Variants in KIRREL3 observed in about 807,000 individuals in gnomAD.
The protein encoded by KIRREL3 is kirre like nephrin family adhesion molecule 3, also known as kin of IRRE-like protein 3.
KIRREL3 carries 36 observed loss-of-function variants against 89.7 expected under a neutral mutation model. The ratio of observed to expected loss-of-function variants is 0.40; its 90% CI spans 0.31 to 0.53. KIRREL3 has a LOEUF of 0.53. Ranked by LOEUF, KIRREL3 falls within the 20% of genes least tolerant of loss-of-function variation. The pLI, the probability that KIRREL3 is intolerant of heterozygous loss-of-function variation, is 0.49. For missense variants in KIRREL3, 864 were observed against 1,056.6 expected, an observed-to-expected ratio of 0.82 and a Z score of 2.53; for synonymous variants, 445 against 441.4, an observed-to-expected ratio of 1.01 and a Z score of -0.10.
intron 1 of KIRREL3, among the ~76,000 whole-genome samples, chr11:126,974,152 C>T (rs529055489): frequency 6.6e-6 from 1 of 152,262 alleles, no homozygotes; most frequent in Admixed American, 6.5e-5. Flanking sequence ...ATTTAAAGCA[C>T]TTTATGCAAC....
Position 126,491,324 on chromosome 11 carries a change from T to C in KIRREL3, c.434-17858A>G, listed in dbSNP as rs1459332376. Among the ~76,000 whole-genome samples the C allele has an allele frequency of 6.6e-6, 1 of 152,226 alleles. No individual in the cohort carries two copies. Among genetic ancestry groups the C allele is most frequent in the Non-Finnish European group, 1.5e-5 (1 of 68,044 alleles). The stretch of plus-strand genomic sequence containing the variant: ...TGTGAGCCCAAGGAGGGCGGGCGCG[T>C]GCTGGCTCTGAGCGGGTGCTTTATT... On this transcript the variant is annotated intron_variant, in intron 4 of 16. Transcript: ENST00000525144. This position sits in a 1 kb window ranked among gnomAD's most constrained non-coding sequence, Gnocchi z 5.5.
intron 7 of KIRREL3, among the ~76,000 whole-genome samples, chr11:126,449,502 C>G (rs1186499005): frequency 6.6e-6 from 1 of 152,206 alleles, no homozygotes; most frequent in Non-Finnish European, 1.5e-5. Context: ...TGTCAGTGGG[C>G]AGACAGCTCG....
In KIRREL3 at chr11:126,703,152, A is replaced by G. The variant is rs1210921419; in HGVS notation, c.56-140240T>C. On this transcript the variant is annotated intron_variant, in intron 1 of 16. Transcript: ENST00000525144. The surrounding 1 kb of genome is among the most constrained non-coding windows in gnomAD (Gnocchi z 4.6). Reference sequence around the variant, plus strand: ...GGCTGGGGCAGGAGACACTGTAAAGAGCCAGTAGGCCTGGATTCCTTCCAG... The same window carrying G: ...GGCTGGGGCAGGAGACACTGTAAAGGGCCAGTAGGCCTGGATTCCTTCCAG... 1.3e-5 allele frequency among the ~76,000 whole-genome samples: 2 copies of G among 152,162 alleles called. No homozygotes were observed. The highest frequency in any genetic ancestry group is 4.8e-5 in the African/African-American group (2 of 41,420).
intron 1 of KIRREL3, among the ~76,000 whole-genome samples, chr11:126,695,491 C>T (rs1458757039): frequency 6.6e-6 from 1 of 151,938 alleles, no homozygotes; most frequent in African/African-American, 2.4e-5. Flanking sequence ...GCATTAGTCC[C>T]TGCCACATTT....
chr11:126,692,848 T>C lies in KIRREL3; in HGVS notation c.56-129936A>G, dbSNP rs562028741. On this transcript the variant is annotated intron_variant, in intron 1 of 16. Coordinates refer to ENST00000525144, the MANE Select transcript of KIRREL3 (RefSeq NM_032531.4). ...ATTACTAGGGACAGGTGACCCCTCC[T>C]TGGATCTACCCGCTTTGCAATGTGA... Among the ~76,000 whole-genome samples the C allele has an allele frequency of 2.0e-5, 3 of 152,274 alleles. No individual in the cohort carries two copies. In the South Asian group the frequency reaches 6.2e-4, roughly 32 times the overall value.
At chr11:126,536,326 G>T (rs984158960) in intron 2 of KIRREL3, among the ~76,000 whole-genome samples, 1 of 152,000 alleles carries the variant, frequency 6.6e-6, no homozygotes, top group Non-Finnish European at 1.5e-5. Context: ...GCCCATAGAG[G>T]CTGGGATCTG....
intron 2 of KIRREL3, among the ~76,000 whole-genome samples, chr11:126,536,663 T>C (rs1937912290): frequency 8.4e-6 from 1 of 119,570 alleles, no homozygotes; most frequent in South Asian, 3.4e-4. Flanking sequence ...TTTTTTTTTT[T>C]TTTTGAGTCT....
intron 1 of KIRREL3, among the ~76,000 whole-genome samples, chr11:126,671,766 A>G (rs1591927980): frequency 6.6e-6 from 1 of 152,180 alleles, no homozygotes; most frequent in Non-Finnish European, 1.5e-5. Flanking sequence ...AAAATCCAGA[A>G]AAGCTGACAA....
At chr11:127,001,318 G>GA (rs1565492072), upstream of KIRREL3, among the ~76,000 whole-genome samples, 2 of 136,594 alleles carry the variant, frequency 1.5e-5, no homozygotes, top group African/African-American at 2.6e-5. Context: ...TTGTGGTGGG[G>GA]GGGGGGGGTA....
At position 126,981,507 on chromosome 11, in the gene KIRREL3, T is replaced by G. The variant is rs1383564572; in HGVS notation, c.55+18948A>C. On this transcript the variant is annotated intron_variant, in intron 1 of 16. Coordinates refer to ENST00000525144, the MANE Select transcript of KIRREL3 (RefSeq NM_032531.4). The surrounding 1 kb of genome is among the most constrained non-coding windows in gnomAD (Gnocchi z 4.2). Reference sequence around the variant, plus strand: ...CCTTCCTAAGTCACTAAGGAAGAGCTAAACACATGGTCCCTGTTTCACTGA... The same window carrying G: ...CCTTCCTAAGTCACTAAGGAAGAGCGAAACACATGGTCCCTGTTTCACTGA... Among the ~76,000 whole-genome samples, 1 of 152,200 alleles carries G rather than the reference T, an allele frequency of 6.6e-6. No homozygotes were observed. The highest frequency in any genetic ancestry group is 2.4e-5 in the African/African-American group (1 of 41,446).
intron 4 of KIRREL3, among the ~76,000 whole-genome samples, chr11:126,479,366 G>T (rs951175375): frequency 6.6e-6 from 1 of 152,162 alleles, no homozygotes; most frequent in African/African-American, 2.4e-5. Flanking sequence ...ACAAGCTGAG[G>T]CTATGATAGC....
intron 1 of KIRREL3, among the ~76,000 whole-genome samples, chr11:126,718,118 C>T (rs1014996031): frequency 3.9e-5 from 6 of 152,142 alleles, no homozygotes; most frequent in Admixed American, 6.5e-5. Context: ...CCGGAATTTG[C>T]GCTGAGAGGA....
rs976884393 is a variant in KIRREL3 at position 126,969,720 on chromosome 11, A to G, written c.55+30735T>C. On this transcript the variant is annotated intron_variant, in intron 1 of 16. Coordinates refer to ENST00000525144, the MANE Select transcript of KIRREL3 (RefSeq NM_032531.4). The surrounding 1 kb of genome is among the most constrained non-coding windows in gnomAD (Gnocchi z 4.9). ...CCCTTGATGACACAGGCTTATTTGAATAATTTTGCAGTGGGACCTGGCTCA... is the reference window on the plus strand; with the variant it reads ...CCCTTGATGACACAGGCTTATTTGAGTAATTTTGCAGTGGGACCTGGCTCA... Among the ~76,000 whole-genome samples the G allele has an allele frequency of 1.3e-5, 2 of 152,170 alleles. No homozygotes were observed. The highest frequency in any genetic ancestry group is 2.9e-5 in the Non-Finnish European group (2 of 68,032).
rs1944664480 is a variant in KIRREL3, at chr11:126,860,332, T to G, written c.55+140123A>C. 6.6e-6 allele frequency among the ~76,000 whole-genome samples: 1 copy of G among 152,124 alleles called. No individual in the cohort carries two copies. Among genetic ancestry groups the G allele is most frequent in the African/African-American group, 2.4e-5 (1 of 41,412 alleles). On this transcript the variant is annotated intron_variant, in intron 1 of 16. Transcript: ENST00000525144. This position sits in a 1 kb window ranked among gnomAD's most constrained non-coding sequence, Gnocchi z 4.6. Reference sequence around the variant, plus strand: ...TTAAATTTAATAAAGGCGTGGGCAATGGGTCTGGGAGCACAGAGAAGGTTG... The same window carrying G: ...TTAAATTTAATAAAGGCGTGGGCAAGGGGTCTGGGAGCACAGAGAAGGTTG...
intron 4 of KIRREL3, among the ~76,000 whole-genome samples, chr11:126,493,183 G>C (rs931078320): frequency 9.2e-5 from 14 of 152,172 alleles, no homozygotes; most frequent in Non-Finnish European, 2.1e-4. Context: ...GCTCAGTGGG[G>C]ACCACAGGCA....
Position 126,455,665 on chromosome 11 carries a change from G to A in KIRREL3, c.848+684C>T, listed in dbSNP as rs958432924. The stretch of plus-strand genomic sequence containing the variant: ...AAAAAAAATTAGCTGGCGTGGTGGC[G>A]GGCGCCTGTAGTCCCAGCTACTTGG... On this transcript the variant is annotated intron_variant, in intron 7 of 16. Transcript: ENST00000525144. The surrounding 1 kb of genome is among the most constrained non-coding windows in gnomAD (Gnocchi z 6.4). Among the ~76,000 whole-genome samples the A allele has an allele frequency of 6.6e-6, 1 of 151,990 alleles. No homozygotes were observed. The highest frequency in any genetic ancestry group is 2.1e-4 in the South Asian group (1 of 4,830).
chr11:126,835,489 A>G (rs1943747859), intron 1 of KIRREL3, among the ~76,000 whole-genome samples: 1 of 152,214 alleles, frequency 6.6e-6, no homozygotes, highest in Non-Finnish European at 1.5e-5. Flanking sequence ...TCAAATTTTA[A>G]ACAAACACAA....
intron 1 of KIRREL3, among the ~76,000 whole-genome samples, chr11:126,625,210 A>G (rs910959332): frequency 1.3e-5 from 2 of 152,150 alleles, no homozygotes. Context: ...GAGAGGTTAC[A>G]TGCCTTCCTC....
At chr11:126,886,798 T>A (rs976963676) in intron 1 of KIRREL3, among the ~76,000 whole-genome samples, 2 of 152,158 alleles carry the variant, frequency 1.3e-5, no homozygotes, top group Admixed American at 1.3e-4. Flanking sequence ...TGGGTTAGAT[T>A]GTCTTTTGAA....
Sources: allele counts gnomAD v4.1 joint callset (sites outside exome capture counted in the v4.1 genomes callset), GRCh38; gene constraint gnomAD v4.1.1; non-coding constraint Gnocchi (gnomAD v3.1); transcripts MANE v1.5; gene names NCBI Gene and HGNC (gene_info 2026-07-23, HGNC 2026-07-21).